Variants in MLF2 observed in about 807,000 individuals in gnomAD.
MLF2 encodes myelodysplasia-myeloid leukemia factor 2.
A neutral mutation model predicts 31.4 loss-of-function variants in MLF2; 12 were observed. The observed-to-expected ratio is 0.38, with a 90% CI of 0.24 to 0.62. MLF2 has a LOEUF of 0.62. Ranked by LOEUF, MLF2 falls within the 20% of genes least tolerant of loss-of-function variation. The pLI is 0.58. For synonymous variants in MLF2, 109 were observed against 118.8 expected (o/e 0.92, Z 0.54); for missense variants, 272 against 359.7 (o/e 0.76, Z 1.97).
chr12:6,753,028 T>C lies in MLF2; in HGVS notation c.-118A>G, dbSNP rs377240482. On this transcript the variant is annotated 5_prime_UTR_variant, in exon 1 of 9. Coordinates refer to ENST00000203630, the MANE Select transcript of MLF2 (RefSeq NM_001382226.1). Reference sequence around the variant, plus strand: ...AGGGTCGCGGCCCGGAACGTGGGGATTGGTCCGGGCTTGAGCTCCTCGGCC... The same window carrying C: ...AGGGTCGCGGCCCGGAACGTGGGGACTGGTCCGGGCTTGAGCTCCTCGGCC... 3.7e-5 allele frequency: 13 copies of C among 355,780 alleles called. No individual in the cohort carries two copies. The highest frequency in any genetic ancestry group is 1.1e-4 in the African/African-American group (5 of 47,506). 22.0% of individuals were successfully genotyped at this position (355,780 alleles called of 1,614,324 possible). A position where few individuals can be genotyped will look rare whatever the true frequency, so the allele number is the denominator to read the frequency against.
Position 6,752,003 on chromosome 12 carries a change from G to A in MLF2, c.102C>T (p.Gly34=), listed in dbSNP as rs758528126. Residue 34 remains glycine (G), a synonymous_variant, in exon 3 of 9, where the codon GGC becomes GGT. Coordinates refer to ENST00000203630, the MANE Select transcript of MLF2 (RefSeq NM_001382226.1). The surrounding 1 kb of genome is among the most constrained non-coding windows in gnomAD (Gnocchi z 4.6). ...TGCTGAGGAAGGGGCTATATCCAAA[G>A]CCACCTGACAACATACGGCTCATAT... The part of the protein sequence containing the change: ...RQHMSRMLSG[G]FGYSPFLSIT... 1.2e-6 allele frequency: 2 copies of A among 1,614,204 alleles called. No individual in the cohort carries two copies. Among genetic ancestry groups the A allele is most frequent in the African/African-American group, 1.3e-5 (1 of 75,054 alleles).
chr12:6,750,828 G>A lies in MLF2; in HGVS notation c.217-62C>T. Reference sequence around the variant, plus strand: ...AAAGTCAGTGTTCAGAGTTGATCCTGTTTAGGAACCCACAACCCACATGGC... The same window carrying A: ...AAAGTCAGTGTTCAGAGTTGATCCTATTTAGGAACCCACAACCCACATGGC... On this transcript the variant is annotated intron_variant, in intron 4 of 8. Transcript: ENST00000203630. The surrounding 1 kb of genome is among the most constrained non-coding windows in gnomAD (Gnocchi z 5.3). The A allele has an allele frequency of 1.3e-6, 2 of 1,492,072 alleles. No homozygotes were observed. The highest frequency in any genetic ancestry group is 1.9e-6 in the Non-Finnish European group (2 of 1,071,658). 92.4% of individuals were successfully genotyped at this position (1,492,072 alleles called of 1,614,324 possible).
chr12:6,752,215 G>C lies in MLF2; in HGVS notation c.50+70C>G. On this transcript the variant is annotated intron_variant, in intron 2 of 8. Coordinates refer to ENST00000203630, the MANE Select transcript of MLF2 (RefSeq NM_001382226.1). This position sits in a 1 kb window ranked among gnomAD's most constrained non-coding sequence, Gnocchi z 4.6. Reference sequence around the variant, plus strand: ...CAGTTCCAACCATTCCTAGCAATGGGAACCCCGATGTCTGCCTGAACTGCT... The same window carrying C: ...CAGTTCCAACCATTCCTAGCAATGGCAACCCCGATGTCTGCCTGAACTGCT... 1.9e-6 allele frequency: 3 copies of C among 1,540,116 alleles called. No individual in the cohort carries two copies. The highest frequency in any genetic ancestry group is 2.6e-6 in the Non-Finnish European group (3 of 1,135,952).
Position 6,750,798 on chromosome 12 carries a change from A to G in MLF2, c.217-32T>C. The G allele has an allele frequency of 6.2e-7, 1 of 1,606,076 alleles. No homozygotes were observed. Among genetic ancestry groups the G allele is most frequent in the Non-Finnish European group, 8.5e-7 (1 of 1,173,034 alleles). On this transcript the variant is annotated intron_variant, in intron 4 of 8. Coordinates refer to ENST00000203630, the MANE Select transcript of MLF2 (RefSeq NM_001382226.1). This position sits in a 1 kb window ranked among gnomAD's most constrained non-coding sequence, Gnocchi z 5.3. Reference sequence around the variant, plus strand: ...GAAAGAGATGGAAAACAGAGTCAGGAAAGCAAAGTCAGTGTTCAGAGTTGA... The same window carrying G: ...GAAAGAGATGGAAAACAGAGTCAGGGAAGCAAAGTCAGTGTTCAGAGTTGA...
chr12:6,749,895 C>A lies in MLF2; in HGVS notation c.512G>T (p.Arg171Leu). 1 of 1,614,168 alleles carries A rather than the reference C, an allele frequency of 6.2e-7. No homozygotes were observed. Among genetic ancestry groups the A allele is most frequent in the Non-Finnish European group, 8.5e-7 (1 of 1,180,020 alleles). The change falls in exon 7 of 9, where the codon CGC (arginine) becomes CTC (leucine). Residue 171 changes from arginine (R) to leucine (L), a missense_variant. Transcript: ENST00000203630. This position sits in a 1 kb window ranked among gnomAD's most constrained non-coding sequence, Gnocchi z 5.3. ...AHILQRSRNH[R>L]TGDQEERQDY... is the part of the protein sequence containing the mutation. Reference sequence around the variant, plus strand: ...CTGCCGCTCCTCCTGGTCCCCCGTGCGATGGTTTCGGGAGCGCTGGAGGAT... The same window carrying A: ...CTGCCGCTCCTCCTGGTCCCCCGTGAGATGGTTTCGGGAGCGCTGGAGGAT...
chr12:6,751,728 C>T (rs753195387), intron 3 of MLF2, 52 bp from the exon 4 acceptor site: 13 of 1,607,524 alleles, frequency 8.1e-6, no homozygotes, highest in African/African-American at 2.7e-5. Flanking sequence ...TATCTCTTTA[C>T]AATCCCAAAC....
In MLF2 at chr12:6,749,644, G is replaced by A; in HGVS notation, c.559+204C>T. On this transcript the variant is annotated intron_variant, in intron 7 of 8. Transcript: ENST00000203630. The surrounding 1 kb of genome is among the most constrained non-coding windows in gnomAD (Gnocchi z 5.3). The stretch of plus-strand genomic sequence containing the variant: ...GCAGGAGAATTGCTTAAACCCGGGA[G>A]GCGGAGGTTGCAGTGAGCTGAGATC... 4 of 603,478 alleles carry A rather than the reference G, an allele frequency of 6.6e-6. No individual in the cohort carries two copies. In the South Asian group the frequency reaches 8.6e-5, roughly 13 times the overall value. The allele number at this position is 603,478 out of a possible 1,614,324, so 37.4% of individuals were successfully genotyped here. A position where few individuals can be genotyped will look rare whatever the true frequency, so the allele number is the denominator to read the frequency against.
rs532301060 is a variant in MLF2 at position 6,750,494 on chromosome 12, A to T, written c.271-189T>A. Reference sequence around the variant, plus strand: ...AACCACGAGCAAGAAGGACCTGAAGAGACAGGGCCTTAATTGTATGCTACG... The same window carrying T: ...AACCACGAGCAAGAAGGACCTGAAGTGACAGGGCCTTAATTGTATGCTACG... On this transcript the variant is annotated intron_variant, in intron 5 of 8. Transcript: ENST00000203630. The surrounding 1 kb of genome is among the most constrained non-coding windows in gnomAD (Gnocchi z 5.3). 2 of 897,728 alleles carry T rather than the reference A, an allele frequency of 2.2e-6. No individual in the cohort carries two copies. The highest frequency in any genetic ancestry group is 1.7e-6 in the Non-Finnish European group (1 of 597,158). The allele number at this position is 897,728 out of a possible 1,614,324, so 55.6% of individuals were successfully genotyped here.
Position 6,749,166 on chromosome 12 carries a change from G to A in MLF2, c.560-184C>T, listed in dbSNP as rs539772101. Among the ~76,000 whole-genome samples, 4 of 152,370 alleles carry A rather than the reference G, an allele frequency of 2.6e-5. No homozygotes were observed. Among genetic ancestry groups the A allele is most frequent in the South Asian group, 2.1e-4 (1 of 4,832 alleles). On this transcript the variant is annotated intron_variant, in intron 7 of 8. Transcript: ENST00000203630. The surrounding 1 kb of genome is among the most constrained non-coding windows in gnomAD (Gnocchi z 5.3). ...CGGTCCCAGGAAGCCACCGGTAGGC[G>A]TAAGGTGGCCTACTGGAGGAAGAAA... is the stretch of plus-strand genomic sequence containing the variant.
chr12:6,750,288 T>G lies in MLF2; in HGVS notation c.288A>C (p.Gly96=). 1 of 1,614,102 alleles carries G rather than the reference T, an allele frequency of 6.2e-7. No individual in the cohort carries two copies. Residue 96 remains glycine (G), a synonymous_variant, in exon 6 of 9, where the codon GGA becomes GGC. Coordinates refer to ENST00000203630, the MANE Select transcript of MLF2 (RefSeq NM_001382226.1). This position sits in a 1 kb window ranked among gnomAD's most constrained non-coding sequence, Gnocchi z 5.3. ...MIGNMEHMTA[G]GNCQTFSSST... is the part of the protein sequence containing the mutation. ...AAGATGAGAAGGTCTGGCAATTGCCTCCAGCTGTCATGTGTTCCTGAGGAC... is the reference window on the plus strand; with the variant it reads ...AAGATGAGAAGGTCTGGCAATTGCCGCCAGCTGTCATGTGTTCCTGAGGAC...
chr12:6,750,648 G>T lies in MLF2; in HGVS notation c.270+65C>A. Reference sequence around the variant, plus strand: ...CATACTGTTTCCCTCTTGCCTTAGAGGATGCAAGGTGTTGTCAGCCATCAC... The same window carrying T: ...CATACTGTTTCCCTCTTGCCTTAGATGATGCAAGGTGTTGTCAGCCATCAC... On this transcript the variant is annotated intron_variant, in intron 5 of 8. Coordinates refer to ENST00000203630, the MANE Select transcript of MLF2 (RefSeq NM_001382226.1). This position sits in a 1 kb window ranked among gnomAD's most constrained non-coding sequence, Gnocchi z 5.3. 2 of 1,512,592 alleles carry T rather than the reference G, an allele frequency of 1.3e-6. No individual in the cohort carries two copies. The highest frequency in any genetic ancestry group is 1.8e-6 in the Non-Finnish European group (2 of 1,088,538). 93.7% of individuals were successfully genotyped at this position (1,512,592 alleles called of 1,614,324 possible).
rs998418635 is a variant in MLF2, at chr12:6,749,258, C to T, written c.560-276G>A. The stretch of plus-strand genomic sequence containing the variant: ...GTGCACACTAGGTACTTAATAATTG[C>T]GGATTTGAAAAAGATAAAGAGGGGA... On this transcript the variant is annotated intron_variant, in intron 7 of 8. Coordinates refer to ENST00000203630, the MANE Select transcript of MLF2 (RefSeq NM_001382226.1). The surrounding 1 kb of genome is among the most constrained non-coding windows in gnomAD (Gnocchi z 5.3). Among the ~76,000 whole-genome samples, 3 of 152,104 alleles carry T rather than the reference C, an allele frequency of 2.0e-5. No individual in the cohort carries two copies. Among genetic ancestry groups the T allele is most frequent in the African/African-American group, 7.2e-5 (3 of 41,402 alleles).
At chr12:6,751,578 GAAT>G in intron 4 of MLF2, 60 bp downstream of exon 4, 1 of 1,546,482 alleles carries the variant, frequency 6.5e-7, no homozygotes, top group Non-Finnish European at 8.9e-7. Context: ...GCACATTTGG[GAAT>G]AATATCTAAG....
Position 6,752,218 on chromosome 12 carries a change from C to T in MLF2, c.50+67G>A, listed in dbSNP as rs1416579627. 1.7e-6 allele frequency: 2 copies of T among 1,186,266 alleles called. No individual in the cohort carries two copies. Among genetic ancestry groups the T allele is most frequent in the Non-Finnish European group, 2.3e-6 (2 of 856,312 alleles). 73.5% of individuals were successfully genotyped at this position (1,186,266 alleles called of 1,614,324 possible). A position where few individuals can be genotyped will look rare whatever the true frequency, so the allele number is the denominator to read the frequency against. On this transcript the variant is annotated intron_variant, in intron 2 of 8. Transcript: ENST00000203630. This position sits in a 1 kb window ranked among gnomAD's most constrained non-coding sequence, Gnocchi z 4.6. ...TTCCAACCATTCCTAGCAATGGGAA[C>T]CCCGATGTCTGCCTGAACTGCTCAG...
Position 6,749,777 on chromosome 12 carries a change from T to G in MLF2, c.559+71A>C. The G allele has an allele frequency of 6.4e-7, 1 of 1,574,244 alleles. No homozygotes were observed. The highest frequency in any genetic ancestry group is 8.7e-7 in the Non-Finnish European group (1 of 1,151,444). The stretch of plus-strand genomic sequence containing the variant: ...GACCCAGAGCTTTGCCCCAGAAGTG[T>G]CTATGTGTTAGGGATGTCCACGGGA... On this transcript the variant is annotated intron_variant, in intron 7 of 8. Transcript: ENST00000203630. This position sits in a 1 kb window ranked among gnomAD's most constrained non-coding sequence, Gnocchi z 5.3.
Position 6,749,409 on chromosome 12 carries a change from C to T in MLF2, c.560-427G>A, listed in dbSNP as rs1482149748. ...GCCCGAGCGGAGGAGGCTCCAAGTG[C>T]GGTAAGAATATGGGACTGACAGTTG... On this transcript the variant is annotated intron_variant, in intron 7 of 8. Transcript: ENST00000203630. This position sits in a 1 kb window ranked among gnomAD's most constrained non-coding sequence, Gnocchi z 5.3. Among the ~76,000 whole-genome samples the T allele has an allele frequency of 1.3e-5, 2 of 152,208 alleles. No individual in the cohort carries two copies. The highest frequency in any genetic ancestry group is 1.9e-4 in the East Asian group (1 of 5,188).
Position 6,750,211 on chromosome 12 carries a change from T to C in MLF2, c.365A>G (p.Gln122Arg), listed in dbSNP as rs754699304. The change falls in exon 6 of 9, where the codon CAA becomes CGA. Residue 122 changes from glutamine to arginine, a missense_variant. Physicochemically the swap from Gln to Arg is conservative, Grantham distance 43. Transcript: ENST00000203630. The surrounding 1 kb of genome is among the most constrained non-coding windows in gnomAD (Gnocchi z 5.3). ...NTGDGAPKVYQETSEMRSAPG... is the reference protein window; with the variant it reads ...NTGDGAPKVYRETSEMRSAPG... ...TGCCGAGCGCATCTCTGATGTCTCTTGGTAGACCTTGGGGGCACCATCACC... is the reference window on the plus strand; with the variant it reads ...TGCCGAGCGCATCTCTGATGTCTCTCGGTAGACCTTGGGGGCACCATCACC... 2.5e-6 allele frequency: 4 copies of C among 1,614,204 alleles called. No homozygotes were observed. Among genetic ancestry groups the C allele is most frequent in the South Asian group, 1.1e-5 (1 of 91,086 alleles).
In MLF2 at chr12:6,750,952, C is replaced by G; in HGVS notation, c.217-186G>C. 1.7e-6 allele frequency: 1 copy of G among 598,822 alleles called. No homozygotes were observed. Among genetic ancestry groups the G allele is most frequent in the Non-Finnish European group, 3.0e-6 (1 of 329,378 alleles). The allele number at this position is 598,822 out of a possible 1,614,324, so 37.1% of individuals were successfully genotyped here. A position where few individuals can be genotyped will look rare whatever the true frequency, so the allele number is the denominator to read the frequency against. On this transcript the variant is annotated intron_variant, in intron 4 of 8. Coordinates refer to ENST00000203630, the MANE Select transcript of MLF2 (RefSeq NM_001382226.1). The surrounding 1 kb of genome is among the most constrained non-coding windows in gnomAD (Gnocchi z 5.3). ...CTCATATTTCTCCTCCTGTGAACTG[C>G]TGACCCCTTCCTCAGTCTCTGTGAC...
In MLF2 at chr12:6,748,866, C is replaced by T; in HGVS notation, c.676G>A (p.Gly226Arg). The T allele has an allele frequency of 1.3e-6, 2 of 1,596,566 alleles. No individual in the cohort carries two copies. The highest frequency in any genetic ancestry group is 1.8e-5 in the Admixed American group (1 of 56,400). Residue 226 changes from glycine to arginine, a missense_variant, in exon 8 of 9, where the codon GGG becomes AGG. Transcript: ENST00000203630. This position sits in a 1 kb window ranked among gnomAD's most constrained non-coding sequence, Gnocchi z 4.6. ...CCCTGGATGGCCAGGCGGGGAGGCC[C>T]CTCCGCCCTTCGTCCCCCAGCCCCT... ...SSGAGGRRAE[G>R]PPRLAIQGPE...
Sources: gnomAD v4.1 joint callset for allele counts (sites outside exome capture counted in the v4.1 genomes callset) on GRCh38, gnomAD v4.1.1 for gene constraint, Gnocchi (gnomAD v3.1) non-coding constraint, MANE v1.5 for transcripts, NCBI Gene and HGNC (gene_info 2026-07-23, HGNC 2026-07-21) for gene names.